Variants in BMP6 observed in about 807,000 individuals in gnomAD.
The protein encoded by BMP6 is VG-1-R.
BMP6 carries 17 observed loss-of-function variants against 54.1 expected under a neutral mutation model. The observed-to-expected ratio is 0.31, with a 90% CI of 0.22 to 0.47. BMP6 has a LOEUF of 0.47. Ranked by LOEUF, BMP6 falls within the 20% of genes least tolerant of loss-of-function variation. The pLI, the probability that BMP6 is intolerant of heterozygous loss-of-function variation, is 1.00. For missense variants in BMP6, 720 were observed against 690.4 expected, an observed-to-expected ratio of 1.04 and a Z score of -0.48; for synonymous variants, 328 against 291.2, an observed-to-expected ratio of 1.13 and a Z score of -1.28.
At chr6:7,741,283 T>TTTA (rs1735907877) in intron 1 of BMP6, among the ~76,000 whole-genome samples, 1 of 151,814 alleles carries the variant, frequency 6.6e-6, no homozygotes, top group African/African-American at 2.4e-5. Flanking sequence ...AGCAGCATTC[T>TTTA]TTATTATCAT....
At chr6:7,828,995 A>C (rs1032086490) in intron 1 of BMP6, among the ~76,000 whole-genome samples, 1 of 152,178 alleles carries the variant, frequency 6.6e-6, no homozygotes, top group African/African-American at 2.4e-5. Flanking sequence ...AGGTCATCTG[A>C]TGCGGTATAA....
chr6:7,801,204 G>C (rs990009286), intron 1 of BMP6, among the ~76,000 whole-genome samples: 1 of 152,158 alleles, frequency 6.6e-6, no homozygotes, highest in Non-Finnish European at 1.5e-5. Flanking sequence ...TTATTAACTT[G>C]AACCGAATCC....
chr6:7,845,115 C>T, intron 1 of BMP6, 25 bp from the exon 2 acceptor site: 1 of 1,585,568 alleles, frequency 6.3e-7, no homozygotes, highest in East Asian at 2.2e-5. Flanking sequence ...CAATAGTTGT[C>T]ACTCTCTCTT....
At chr6:7,874,248 G>A (rs1459852928) in intron 4 of BMP6, among the ~76,000 whole-genome samples, 1 of 152,202 alleles carries the variant, frequency 6.6e-6, no homozygotes, top group African/African-American at 2.4e-5. Flanking sequence ...ACTGCAGTGG[G>A]AAATGTCATC....
At chr6:7,809,108 A>ACCCCCC (rs11365211) in intron 1 of BMP6, among the ~76,000 whole-genome samples, 1 of 109,554 alleles carries the variant, frequency 9.1e-6, no homozygotes, top group Non-Finnish European at 1.9e-5. Context: ...AGTACCCCCC[A>ACCCCCC]CCCCCCCCCA....
intron 1 of BMP6, among the ~76,000 whole-genome samples, chr6:7,791,595 A>G (rs1433725885): frequency 1.3e-5 from 2 of 152,026 alleles, no homozygotes; most frequent in African/African-American, 4.8e-5. Flanking sequence ...CTGTCTCTGG[A>G]ACTTTTGACT....
In BMP6 at chr6:7,739,480, AT is replaced by A. The variant is rs1762009634; in HGVS notation, c.664+11863del. ...AATGGCTGATGTCACTTATTATCCT[AT>A]TATCTCAGCAAGGCAAATACTTACA... is the stretch of plus-strand genomic sequence containing the variant. On this transcript the variant is annotated intron_variant, in intron 1 of 6. Coordinates refer to ENST00000283147, the MANE Select transcript of BMP6 (RefSeq NM_001718.6). Among the ~76,000 whole-genome samples the A allele has an allele frequency of 3.9e-5, 6 of 152,144 alleles. No individual in the cohort carries two copies. In the South Asian group the frequency reaches 1.2e-3, roughly 32 times the overall value.
chr6:7,776,354 A>G (rs1757861052), intron 1 of BMP6, among the ~76,000 whole-genome samples: 1 of 152,228 alleles, frequency 6.6e-6, no homozygotes, highest in South Asian at 2.1e-4. Context: ...AGAGACTTTG[A>G]TTTAATAAAA....
intron 1 of BMP6, among the ~76,000 whole-genome samples, chr6:7,805,055 G>T (rs936339253): frequency 1.3e-5 from 2 of 152,130 alleles, no homozygotes; most frequent in Non-Finnish European, 2.9e-5. Context: ...TTTTATTGTT[G>T]AAAGTTTAAC....
intron 1 of BMP6, among the ~76,000 whole-genome samples, chr6:7,832,414 G>A (rs758623797): frequency 1.3e-5 from 2 of 152,072 alleles, no homozygotes; most frequent in Admixed American, 1.3e-4. Flanking sequence ...TGAGGGCACA[G>A]CGAGAAGACA....
intron 5 of BMP6, 71 bp downstream of exon 5, chr6:7,879,221 A>T (rs1759670565): frequency 8.9e-6 from 13 of 1,460,734 alleles, no homozygotes; most frequent in Admixed American, 1.7e-5. Context: ...GGTGGCAGCC[A>T]TTACCAAACA....
At position 7,881,216 on chromosome 6, in the gene BMP6, G is replaced by A. The variant is rs9505298; in HGVS notation, c.*873G>A. The A allele has an allele frequency of 0.065, 9,972 of 152,552 alleles. 764 individuals carry two copies. The highest frequency in any genetic ancestry group is 0.19 in the African/African-American group (7,719 of 41,472). The allele number at this position is 152,552 out of a possible 1,614,324, so 9.4% of individuals were successfully genotyped here. A position where few individuals can be genotyped will look rare whatever the true frequency, so the allele number is the denominator to read the frequency against. On this transcript the variant is annotated 3_prime_UTR_variant, in exon 7 of 7. Transcript: ENST00000283147. ...ACCACGCCACAGGGTTAGAACCAAC[G>A]AAGAAAATAAAATGAGGGTGCCCAG...
At chr6:7,880,150 G>A (rs2113299860) in intron 6 of BMP6, 44 bp from the exon 7 acceptor site, 3 of 1,613,982 alleles carry the variant, frequency 1.9e-6, no homozygotes, top group Non-Finnish European at 2.5e-6. Flanking sequence ...GCCAAGACCA[G>A]GTGTCATTTC....
At position 7,813,666 on chromosome 6, in the gene BMP6, AAAACCC is replaced by A. The variant is rs1561780300; in HGVS notation, c.665-31472_665-31467del. 1.5e-4 allele frequency among the ~76,000 whole-genome samples: 17 copies of A among 110,044 alleles called. 4 individuals carry two copies. Among genetic ancestry groups the A allele is most frequent in the African/African-American group, 2.3e-4 (7 of 30,310 alleles). The allele number at this position is 110,044 out of a possible 152,430, so 72.2% of individuals were successfully genotyped here. On this transcript the variant is annotated intron_variant, in intron 1 of 6. Coordinates refer to ENST00000283147, the MANE Select transcript of BMP6 (RefSeq NM_001718.6). ...TCAAAAAAAAAAAAAAAAAAAAAAAAAAACCCACCAAACCCAGTATAGAAAATATAT... is the reference window on the plus strand; with the variant it reads ...TCAAAAAAAAAAAAAAAAAAAAAAAAACCAAACCCAGTATAGAAAATATAT...
At chr6:7,821,245 T>C (rs965673105) in intron 1 of BMP6, among the ~76,000 whole-genome samples, 1 of 152,230 alleles carries the variant, frequency 6.6e-6, no homozygotes, top group African/African-American at 2.4e-5. Context: ...CTGTGGGGAT[T>C]GGGGCCCTAA....
At chr6:7,813,108 A>AAAAAAAAT (rs1554122651) in intron 1 of BMP6, among the ~76,000 whole-genome samples, 4 of 21,494 alleles carry the variant, frequency 1.9e-4, no homozygotes, top group African/African-American at 3.9e-4. Context: ...AAAAAAAAAA[A>AAAAAAAAT]ATATATATAT....
chr6:7,841,495 T>C (rs1758967838), intron 1 of BMP6, among the ~76,000 whole-genome samples: 1 of 152,230 alleles, frequency 6.6e-6, no homozygotes, highest in Non-Finnish European at 1.5e-5. Context: ...CCTAATTGTA[T>C]TTATTTCTTA....
chr6:7,829,480 G>T (rs1758754721), intron 1 of BMP6, among the ~76,000 whole-genome samples: 1 of 152,168 alleles, frequency 6.6e-6, no homozygotes, highest in African/African-American at 2.4e-5. Flanking sequence ...GAGTCAGGAG[G>T]GTTGCTTGAG....
intron 1 of BMP6, among the ~76,000 whole-genome samples, chr6:7,779,330 A>AT (rs142502560): frequency 0.092 from 13,744 of 149,570 alleles, 2,019 homozygotes; most frequent in African/African-American, 0.31. Flanking sequence ...AAACTTATTT[A>AT]TTTTTTTTTT....
Sources: allele counts gnomAD v4.1 joint callset (sites outside exome capture counted in the v4.1 genomes callset), GRCh38; gene constraint gnomAD v4.1.1; transcripts MANE v1.5; gene names NCBI Gene and HGNC (gene_info 2026-07-23, HGNC 2026-07-21).